The following DPP10 variants were observed in gnomAD, a reference collection of about 807,000 sequenced individuals.
The protein encoded by DPP10 is dipeptidyl peptidase like 10.
In DPP10, 33 loss-of-function variants were observed where a neutral mutation model predicts 120.9. That is an observed-to-expected ratio of 0.27 (90% CI 0.21 to 0.37). The LOEUF is 0.37. Ranked by LOEUF, DPP10 falls within the 10% of genes least tolerant of loss-of-function variation. The pLI, the probability that DPP10 is intolerant of heterozygous loss-of-function variation, is 1.00. For synonymous variants in DPP10, 337 were observed against 326.1 expected, an observed-to-expected ratio of 1.03 and a Z score of -0.36; for missense variants, 816 against 942.8, an observed-to-expected ratio of 0.87 and a Z score of 1.76.
chr2:114,935,201 C>T (rs1015430337), intron 1 of DPP10, among the ~76,000 whole-genome samples: 4 of 152,122 alleles, frequency 2.6e-5, no homozygotes, highest in Admixed American at 6.6e-5. Context: ...TCTCTCCCTG[C>T]GATCTTGATC....
In DPP10 at chr2:115,592,386, T is replaced by C. The variant is rs150588160; in HGVS notation, c.441+66414T>C. On this transcript the variant is annotated intron_variant, in intron 5 of 25. Transcript: ENST00000410059. The stretch of plus-strand genomic sequence containing the variant: ...ATGGTAAATGTTTCCTTTTAGACTT[T>C]TAAAGGTGTCAGCCTCTCAATCTCT... Among the ~76,000 whole-genome samples, 490 of 152,118 alleles carry C rather than the reference T, an allele frequency of 3.2e-3. 2 individuals are homozygous for C. Among genetic ancestry groups the C allele is most frequent in the Non-Finnish European group, 5.0e-3 (341 of 68,012 alleles).
chr2:114,983,074 G>A (rs1054835934), intron 1 of DPP10, among the ~76,000 whole-genome samples: 2 of 152,092 alleles, frequency 1.3e-5, no homozygotes, highest in Non-Finnish European at 2.9e-5. Flanking sequence ...TCAGAGCTAA[G>A]ACGCATTATA....
intron 1 of DPP10, among the ~76,000 whole-genome samples, chr2:114,525,112 T>C (rs1006435465): frequency 1.3e-5 from 2 of 152,208 alleles, no homozygotes; most frequent in African/African-American, 2.4e-5. Context: ...TTTAACTCAC[T>C]TTCTAAGCCT....
intron 5 of DPP10, among the ~76,000 whole-genome samples, chr2:115,688,170 G>A (rs945019865): frequency 6.6e-6 from 1 of 152,070 alleles, no homozygotes; most frequent in African/African-American, 2.4e-5. Context: ...AAATGTCAAA[G>A]TAGACACCAG....
chr2:115,267,215 C>G (rs908096687), intron 1 of DPP10, among the ~76,000 whole-genome samples: 7 of 152,240 alleles, frequency 4.6e-5, no homozygotes, highest in African/African-American at 1.7e-4. Context: ...TGTGAGATGT[C>G]CATAAGTGCC....
intron 1 of DPP10, among the ~76,000 whole-genome samples, chr2:114,912,024 A>C (rs1694406781): frequency 6.6e-6 from 1 of 152,198 alleles, no homozygotes; most frequent in Non-Finnish European, 1.5e-5. Context: ...GGCCTTAAAG[A>C]GTAAGATTTG....
chr2:115,587,062 C>CTT (rs1364097547), intron 5 of DPP10, among the ~76,000 whole-genome samples: 3 of 140,584 alleles, frequency 2.1e-5, no homozygotes, highest in African/African-American at 8.0e-5. Context: ...CAACATTGTC[C>CTT]TTTTTTCTTT....
intron 1 of DPP10, among the ~76,000 whole-genome samples, chr2:115,031,868 T>C (rs1467190532): frequency 1.3e-5 from 2 of 152,146 alleles, no homozygotes; most frequent in South Asian, 2.1e-4. Context: ...ATAATATTTA[T>C]AAAAATCACT....
intron 1 of DPP10, among the ~76,000 whole-genome samples, chr2:114,736,324 T>G (rs1677431868): frequency 6.6e-6 from 1 of 152,110 alleles, no homozygotes; most frequent in African/African-American, 2.4e-5. Flanking sequence ...GTTTCTCAAG[T>G]GCAAAGATAT....
intron 3 of DPP10, among the ~76,000 whole-genome samples, chr2:115,426,901 C>T (rs1224126064): frequency 1.3e-5 from 2 of 152,176 alleles, no homozygotes; most frequent in African/African-American, 2.4e-5. Flanking sequence ...AAGTCTTTTC[C>T]ACCTATAAAC....
chr2:114,862,393 T>A (rs1205094227), intron 1 of DPP10, among the ~76,000 whole-genome samples: 1 of 152,144 alleles, frequency 6.6e-6, no homozygotes, highest in Non-Finnish European at 1.5e-5. Context: ...GTTAGAACAG[T>A]GTGATCCAGT....
In DPP10 at chr2:114,884,376, C is replaced by T. The variant is rs1046504112; in HGVS notation, c.61-424863C>T. Among the ~76,000 whole-genome samples, 3 of 152,088 alleles carry T rather than the reference C, an allele frequency of 2.0e-5. No individual in the cohort carries two copies. In the East Asian group the frequency reaches 5.8e-4, roughly 29 times the overall value. On this transcript the variant is annotated intron_variant, in intron 1 of 25. Coordinates refer to ENST00000410059, the MANE Select transcript of DPP10 (RefSeq NM_020868.6). ...CACTGAGCTAAAATCAGTGTATTGGCGGGTTTGCATTCCTTTCTAAGGACT... is the reference window on the plus strand; with the variant it reads ...CACTGAGCTAAAATCAGTGTATTGGTGGGTTTGCATTCCTTTCTAAGGACT...
intron 1 of DPP10, among the ~76,000 whole-genome samples, chr2:114,801,881 G>A (rs1049704755): frequency 5.3e-5 from 8 of 152,098 alleles, no homozygotes; most frequent in Non-Finnish European, 1.0e-4. Context: ...AAGGACCAAA[G>A]ACTGAAATAT....
chr2:115,534,763 C>T lies in DPP10; in HGVS notation c.441+8791C>T, dbSNP rs1301248187. On this transcript the variant is annotated intron_variant, in intron 5 of 25. Transcript: ENST00000410059. ...GTGTTCCTATTTCTCCACATCCTCT[C>T]CAGCACCTGTTGTTTCCTGACTTTT... is the stretch of plus-strand genomic sequence containing the variant. Among the ~76,000 whole-genome samples, 3 of 150,598 alleles carry T rather than the reference C, an allele frequency of 2.0e-5. No homozygotes were observed. The East Asian group carries it at 5.9e-4, about 30-fold the overall frequency.
intron 1 of DPP10, among the ~76,000 whole-genome samples, chr2:114,934,819 A>G (rs566860955): frequency 6.6e-6 from 1 of 152,290 alleles, no homozygotes; most frequent in South Asian, 2.1e-4. Context: ...TAATGGGGCT[A>G]GGCTAGAATA....
intron 1 of DPP10, among the ~76,000 whole-genome samples, chr2:114,685,846 C>T (rs1161910672): frequency 6.6e-6 from 1 of 151,968 alleles, no homozygotes; most frequent in East Asian, 1.9e-4. Flanking sequence ...CCTATCCGGT[C>T]TTCTTGCTTA....
At chr2:114,834,533 C>A (rs1687477693) in intron 1 of DPP10, among the ~76,000 whole-genome samples, 1 of 151,014 alleles carries the variant, frequency 6.6e-6, no homozygotes, top group Admixed American at 6.6e-5. Flanking sequence ...TATCTACGCA[C>A]CTATGTATAT....
rs1176561899 is a variant in DPP10, at chr2:114,614,140, T to C, written c.60+171302T>C. Among the ~76,000 whole-genome samples the C allele has an allele frequency of 3.9e-5, 6 of 152,122 alleles. No individual in the cohort carries two copies. The East Asian group carries it at 1.2e-3, about 29-fold the overall frequency. On this transcript the variant is annotated intron_variant, in intron 1 of 25. Transcript: ENST00000410059. ...TCCCAGAACTTAAAGTAAAATAAAA[T>C]AAAATAAACCCAAGCTTTGCCTCCC...
At chr2:115,696,126 A>G (rs1263784483) in intron 7 of DPP10, among the ~76,000 whole-genome samples, 1 of 152,156 alleles carries the variant, frequency 6.6e-6, no homozygotes, top group African/African-American at 2.4e-5. Context: ...AATACCATCA[A>G]GTGGGGCAAC....
Sources: allele counts gnomAD v4.1 joint callset (sites outside exome capture counted in the v4.1 genomes callset), GRCh38; gene constraint gnomAD v4.1.1; transcripts MANE v1.5; gene names NCBI Gene and HGNC (gene_info 2026-07-23, HGNC 2026-07-21).